Variants in PDE8A observed in about 807,000 individuals in gnomAD.
PDE8A encodes the protein phosphodiesterase 8A.
A neutral mutation model predicts 105.0 loss-of-function variants in PDE8A; 59 were observed. The ratio of observed to expected loss-of-function variants is 0.56; its 90% confidence interval spans 0.46 to 0.70. The LOEUF (loss-of-function observed/expected upper bound fraction) is 0.70, where lower values mean the gene tolerates loss of function less well. PDE8A is among the 30% of genes least tolerant of loss of function. PDE8A has a pLI of 0.00. For synonymous variants in PDE8A, 355 were observed against 371.9 expected (o/e 0.95, Z 0.52); for missense variants, 1,014 against 1,045.9 (o/e 0.97, Z 0.42).
intron 3 of PDE8A, among the ~76,000 whole-genome samples, chr15:85,074,616 G>A (rs1335077856): frequency 6.6e-6 from 1 of 152,218 alleles, no homozygotes; most frequent in African/African-American, 2.4e-5. Flanking sequence ...GGTCAAGACT[G>A]CAGTGAGCTG....
At chr15:85,098,318 A>C (rs1327129904) in intron 9 of PDE8A, among the ~76,000 whole-genome samples, 1 of 152,272 alleles carries the variant, frequency 6.6e-6, no homozygotes, top group Non-Finnish European at 1.5e-5. Context: ...CACTTTAGTA[A>C]GTTGTGTGAT....
intron 6 of PDE8A, among the ~76,000 whole-genome samples, chr15:85,086,450 C>G (rs1226263011): frequency 6.6e-6 from 1 of 152,084 alleles, no homozygotes; most frequent in African/African-American, 2.4e-5. Context: ...AGGTTAATAT[C>G]CTCATAAATA....
chr15:84,989,093 A>G (rs531649732), intron 1 of PDE8A, among the ~76,000 whole-genome samples: 3 of 152,220 alleles, frequency 2.0e-5, no homozygotes, highest in Non-Finnish European at 4.4e-5. Context: ...GGGTTAAGCA[A>G]TGTTCCTGAG....
chr15:85,064,336 T>G (rs2081188618), intron 1 of PDE8A, 34 bp from the exon 2 acceptor site: 2 of 1,531,494 alleles, frequency 1.3e-6, no homozygotes. Context: ...TTCTCCGTTG[T>G]CTTTTCATTT....
At position 84,982,293 on chromosome 15, in the gene PDE8A, G is replaced by T. The variant is rs1271652763; in HGVS notation, c.131G>T (p.Arg44Leu). 3 of 1,379,896 alleles carry T rather than the reference G, an allele frequency of 2.2e-6. No individual in the cohort carries two copies. The highest frequency in any genetic ancestry group is 2.8e-6 in the Non-Finnish European group (3 of 1,077,158). 85.5% of individuals were successfully genotyped at this position (1,379,896 alleles called of 1,614,324 possible). Residue 44 changes from arginine to leucine, a missense_variant, in exon 1 of 22, where the codon CGG becomes CTG. Arg to Leu is a moderately radical substitution (Grantham distance 102, BLOSUM62 -2). Transcript: ENST00000394553. ...PQGQKTAALP[R>L]TRGAGLLESE... ...GGCCAGAAGACGGCCGCCTTGCCCC[G>T]GACCCGCGGCGCCGGCCTCTTGGAG...
chr15:84,988,833 A>G (rs990811729), intron 1 of PDE8A, among the ~76,000 whole-genome samples: 20 of 152,218 alleles, frequency 1.3e-4, no homozygotes. Flanking sequence ...GAGGGCAAGC[A>G]CTGTGTCCTA....
intron 3 of PDE8A, among the ~76,000 whole-genome samples, chr15:85,072,832 G>A (rs377330553): frequency 1.3e-5 from 2 of 152,172 alleles, no homozygotes; most frequent in African/African-American, 4.8e-5. Context: ...TCCCAGTGAG[G>A]CCGGGCTTGG....
intron 1 of PDE8A, among the ~76,000 whole-genome samples, chr15:85,010,354 G>T (rs895294528): frequency 6.6e-6 from 1 of 152,152 alleles, no homozygotes; most frequent in Non-Finnish European, 1.5e-5. Context: ...TGGTCTTAGG[G>T]ACTTAGCATG....
At chr15:85,061,428 C>A (rs1193035067) in intron 1 of PDE8A, among the ~76,000 whole-genome samples, 3 of 151,680 alleles carry the variant, frequency 2.0e-5, no homozygotes, top group Admixed American at 1.3e-4. Context: ...TTAGTAGAGA[C>A]GGGGTTTCAC....
At position 85,081,836 on chromosome 15, in the gene PDE8A, G is replaced by A. The variant is rs569432828; in HGVS notation, c.547-1720G>A. ...GCTAGTTTTTTTTACCTTGATTTCTGCCTTTGGGGTAAAAAAGTTTGGTGG... is the reference window on the plus strand; with the variant it reads ...GCTAGTTTTTTTTACCTTGATTTCTACCTTTGGGGTAAAAAAGTTTGGTGG... On this transcript the variant is annotated intron_variant, in intron 5 of 21. Coordinates refer to ENST00000394553, the MANE Select transcript of PDE8A (RefSeq NM_002605.3). Among the ~76,000 whole-genome samples the A allele has an allele frequency of 3.3e-5, 5 of 152,238 alleles. No homozygotes were observed. In the East Asian group the frequency reaches 7.7e-4, roughly 24 times the overall value.
chr15:85,081,230 C>G (rs892364932), intron 5 of PDE8A, among the ~76,000 whole-genome samples: 1 of 152,112 alleles, frequency 6.6e-6, no homozygotes, highest in African/African-American at 2.4e-5. Flanking sequence ...GTGTTTTAGC[C>G]ATGTTTCAGG....
rs530904566 is a variant in PDE8A at position 84,982,361 on chromosome 15, G to A, written c.186+13G>A. 5.4e-6 allele frequency: 7 copies of A among 1,295,162 alleles called. No homozygotes were observed. Among genetic ancestry groups the A allele is most frequent in the South Asian group, 2.3e-5 (1 of 43,500 alleles). 80.2% of individuals were successfully genotyped at this position (1,295,162 alleles called of 1,614,324 possible). A position where few individuals can be genotyped will look rare whatever the true frequency, so the allele number is the denominator to read the frequency against. The stretch of plus-strand genomic sequence containing the variant: ...CAGCGGCAAGAAGGTAAGGGGCGCC[G>A]GGCACTCTGGGGCCGCCGCGAAACT... On this transcript the variant is annotated intron_variant, in intron 1 of 21. Coordinates refer to ENST00000394553, the MANE Select transcript of PDE8A (RefSeq NM_002605.3).
At chr15:85,094,883 C>T (rs1349683349) in intron 8 of PDE8A, among the ~76,000 whole-genome samples, 1 of 152,162 alleles carries the variant, frequency 6.6e-6, no homozygotes, top group Admixed American at 6.5e-5. Context: ...ACTGAGTCAT[C>T]ATTTTGTCAT....
rs1281780401 is a variant in PDE8A, at chr15:85,113,538, A to T, written c.1185+91A>T. 3 of 1,074,836 alleles carry T rather than the reference A, an allele frequency of 2.8e-6. No homozygotes were observed. In the Admixed American group the frequency reaches 5.1e-5, roughly 18 times the overall value. 66.6% of individuals were successfully genotyped at this position (1,074,836 alleles called of 1,614,324 possible). Reference sequence around the variant, plus strand: ...CCAATGAGAAGAAACAGGGACCCGCAGTAATGAGCATGCTGTCATAGTTGT... The same window carrying T: ...CCAATGAGAAGAAACAGGGACCCGCTGTAATGAGCATGCTGTCATAGTTGT... On this transcript the variant is annotated intron_variant, in intron 13 of 21. Coordinates refer to ENST00000394553, the MANE Select transcript of PDE8A (RefSeq NM_002605.3).
chr15:85,132,211 A>G (rs1596550171), intron 20 of PDE8A, among the ~76,000 whole-genome samples: 1 of 152,052 alleles, frequency 6.6e-6, no homozygotes, highest in Non-Finnish European at 1.5e-5. Context: ...GGTTCAAGAA[A>G]CCCTCCTGCC....
In PDE8A at chr15:85,138,601, T is replaced by A. The variant is rs1220637169; in HGVS notation, c.*698T>A. ...AATGCAAATTAATAAAATGACACTT[T>A]TACTGCACTATAGAAATATTCATGT... On this transcript the variant is annotated 3_prime_UTR_variant, in exon 22 of 22. Coordinates refer to ENST00000394553, the MANE Select transcript of PDE8A (RefSeq NM_002605.3). 1 of 152,624 alleles carries A rather than the reference T, an allele frequency of 6.6e-6. No homozygotes were observed. The highest frequency in any genetic ancestry group is 6.5e-5 in the Admixed American group (1 of 15,276). The allele number at this position is 152,624 out of a possible 1,614,324, so 9.5% of individuals were successfully genotyped here. A position where few individuals can be genotyped will look rare whatever the true frequency, so the allele number is the denominator to read the frequency against.
chr15:85,059,897 A>G (rs190409004), intron 1 of PDE8A, among the ~76,000 whole-genome samples: 3 of 152,204 alleles, frequency 2.0e-5, no homozygotes, highest in African/African-American at 4.8e-5. Context: ...AGTCTCAGCT[A>G]CTCGGGAGAC....
At chr15:85,098,621 A>T (rs1288642667) in intron 9 of PDE8A, among the ~76,000 whole-genome samples, 1 of 152,208 alleles carries the variant, frequency 6.6e-6, no homozygotes, top group African/African-American at 2.4e-5. Flanking sequence ...ATTAGAAATG[A>T]TGATCATATT....
chr15:85,042,649 G>A (rs1567245242), intron 1 of PDE8A, among the ~76,000 whole-genome samples: 1 of 152,092 alleles, frequency 6.6e-6, no homozygotes, highest in Non-Finnish European at 1.5e-5. Context: ...TTCCCTACCT[G>A]GTCAAGGATG....
Sources: allele counts gnomAD v4.1 joint callset (sites outside exome capture counted in the v4.1 genomes callset), GRCh38; gene constraint gnomAD v4.1.1; transcripts MANE v1.5; gene names NCBI Gene and HGNC (gene_info 2026-07-23, HGNC 2026-07-21).